Variants in NEK10 observed in about 807,000 individuals in gnomAD.
NEK10 encodes NIMA related kinase 10, also known as serine/threonine-protein kinase Nek10.
NEK10 carries 122 observed loss-of-function variants against 159.8 expected under a neutral mutation model. The observed-to-expected ratio is 0.76, with a 90% CI of 0.66 to 0.89. The LOEUF (loss-of-function observed/expected upper bound fraction) is 0.89. Among genes scored for constraint, NEK10 ranks in the 40% least tolerant of loss-of-function variants. The probability of loss-of-function intolerance (pLI) is 0.00; values close to 1 mark genes in which losing one functional copy is unlikely to be tolerated. For synonymous variants in NEK10, 466 were observed against 457.1 expected, an observed-to-expected ratio of 1.02 and a Z score of -0.25; for missense variants, 1,342 against 1,323.1, an observed-to-expected ratio of 1.01 and a Z score of -0.22.
In NEK10 at chr3:27,107,943, T is replaced by A. The variant is rs1331539924; in HGVS notation, c.*3329A>T. The stretch of plus-strand genomic sequence containing the variant: ...TACATACATGCTATAATACATCAAA[T>A]CAAAAAGAGGAATGTGGGTTCTATG... On this transcript the variant is annotated 3_prime_UTR_variant, in exon 36 of 36. Transcript: ENST00000691995. Among the ~76,000 whole-genome samples, 1 of 152,036 alleles carries A rather than the reference T, an allele frequency of 6.6e-6. No individual in the cohort carries two copies. Among genetic ancestry groups the A allele is most frequent in the Admixed American group, 6.5e-5 (1 of 15,282 alleles).
chr3:27,192,109 G>A lies in NEK10; in HGVS notation c.2425C>T (p.Arg809Ter), dbSNP rs1163448640. The change falls in exon 26 of 36, where the codon CGA (arginine) becomes TGA (stop). Residue 809 changes from arginine (R) to a stop codon, truncating the protein, a stop_gained. Transcript: ENST00000691995. LOFTEE classifies it high-confidence loss of function. ...LSLEKKLERE[R>*]RRTQRYFMEA... The stretch of plus-strand genomic sequence containing the variant: ...ATAAAATACCTTTGTGTGCGTCTTC[G>A]TTCCCGTTCTAGCTTCTTTTCCAAG... 4.3e-6 allele frequency: 7 copies of A among 1,614,000 alleles called. No homozygotes were observed. Among genetic ancestry groups the A allele is most frequent in the South Asian group, 2.2e-5 (2 of 91,088 alleles).
intron 31 of NEK10, 25 bp from the exon 32 acceptor site, chr3:27,132,015 T>C (rs777297427): frequency 1.1e-5 from 15 of 1,377,810 alleles, no homozygotes; most frequent in Non-Finnish European, 1.2e-5. Flanking sequence ...AAAACAATCA[T>C]TATAAACAAA....
At chr3:27,337,577 G>A (rs1353015497) in intron 5 of NEK10, among the ~76,000 whole-genome samples, 1 of 152,106 alleles carries the variant, frequency 6.6e-6, no homozygotes, top group African/African-American at 2.4e-5. Flanking sequence ...AACCAAAACA[G>A]CATGGTAATG....
intron 23 of NEK10, among the ~76,000 whole-genome samples, chr3:27,231,952 T>G (rs1409037182): frequency 6.6e-6 from 1 of 151,896 alleles, no homozygotes; most frequent in East Asian, 1.9e-4. Context: ...ATCCCAAAGA[T>G]AGAGAGAGAG....
At position 27,364,485 on chromosome 3, in the gene NEK10, C is replaced by T. The variant is rs561256215; in HGVS notation, c.-38+4740G>A. The stretch of plus-strand genomic sequence containing the variant: ...TCAGCTGATCCACCCGCCTTGGCCT[C>T]CCGAAGTGCTGGGATTACAGGCGTG... On this transcript the variant is annotated intron_variant, in intron 1 of 35. Coordinates refer to ENST00000691995, the MANE Select transcript of NEK10 (RefSeq NM_001394966.1). 4.6e-5 allele frequency among the ~76,000 whole-genome samples: 7 copies of T among 152,090 alleles called. No homozygotes were observed. In the East Asian group the frequency reaches 5.8e-4, roughly 13 times the overall value.
intron 23 of NEK10, chr3:27,255,453 C>T (rs1185309495): frequency 5.0e-6 from 1 of 198,876 alleles, no homozygotes; most frequent in Non-Finnish European, 1.1e-5. Context: ...CAAGAAGAGT[C>T]GTGTTTAATT....
intron 29 of NEK10, 96 bp from the exon 30 acceptor site, chr3:27,162,834 T>C: frequency 6.6e-7 from 1 of 1,508,602 alleles, no homozygotes; most frequent in South Asian, 1.2e-5. Context: ...TTATAAAGAT[T>C]AATAGAGATT....
chr3:27,233,065 C>A (rs1310799469), intron 23 of NEK10, among the ~76,000 whole-genome samples: 1 of 152,088 alleles, frequency 6.6e-6, no homozygotes, highest in Non-Finnish European at 1.5e-5. Flanking sequence ...AAACCTTCTG[C>A]ACAGCAATAT....
intron 31 of NEK10, among the ~76,000 whole-genome samples, chr3:27,139,821 C>T (rs939932709): frequency 6.6e-6 from 1 of 152,164 alleles, no homozygotes; most frequent in Admixed American, 6.5e-5. Flanking sequence ...CTTGCACACC[C>T]ACTCCCTAAC....
At chr3:27,133,830 G>T (rs1010679996) in intron 31 of NEK10, among the ~76,000 whole-genome samples, 3 of 152,110 alleles carry the variant, frequency 2.0e-5, no homozygotes, top group Non-Finnish European at 4.4e-5. Flanking sequence ...ACGTTAATTA[G>T]CGAAGAAATA....
intron 30 of NEK10, among the ~76,000 whole-genome samples, chr3:27,150,142 T>C (rs571827146): frequency 3.3e-4 from 50 of 152,226 alleles, no homozygotes; most frequent in Admixed American, 1.7e-3. Context: ...TTCGTGCAGT[T>C]TAAGGAGAGA....
At chr3:27,275,730 TACTA>T (rs2041719876) in intron 22 of NEK10, among the ~76,000 whole-genome samples, 4 of 152,158 alleles carry the variant, frequency 2.6e-5, no homozygotes, top group Admixed American at 2.0e-4. Flanking sequence ...AGAAATGCAA[TACTA>T]ACTCTTTTTT....
Position 27,314,327 on chromosome 3 carries a change from A to G in NEK10, c.459T>C (p.His153=). 1.2e-6 allele frequency: 2 copies of G among 1,600,120 alleles called. No homozygotes were observed. Among genetic ancestry groups the G allele is most frequent in the South Asian group, 1.1e-5 (1 of 88,628 alleles). The change falls in exon 7 of 36, where the codon CAT becomes CAC. Residue 153 remains histidine (H), a synonymous_variant. Transcript: ENST00000691995. ...MRDPCYQEIL[H]SLGGIENLAQ... ...CTAGGTTTTCAATCCCACCCAAGCT[A>G]TGGAGTATTTCCTAATAAAATAAAA...
At chr3:27,219,039 G>A (rs368672243) in intron 23 of NEK10, among the ~76,000 whole-genome samples, 17 of 152,200 alleles carry the variant, frequency 1.1e-4, no homozygotes, top group African/African-American at 3.4e-4. Flanking sequence ...TTCTTAGTGC[G>A]TATGCCTTAG....
intron 23 of NEK10, among the ~76,000 whole-genome samples, chr3:27,204,301 G>GTTTTTTTTTTTTTTT (rs567092116): frequency 1.5e-4 from 10 of 66,370 alleles, no homozygotes; most frequent in East Asian, 4.4e-4. Flanking sequence ...TTTTGTTGTT[G>GTTTTTTTTTTTTTTT]TTTTTTTTTT....
chr3:27,264,774 A>G (rs777833458), intron 22 of NEK10, among the ~76,000 whole-genome samples: 1 of 152,008 alleles, frequency 6.6e-6, no homozygotes, highest in Non-Finnish European at 1.5e-5. Context: ...GGTGCCTGTA[A>G]TCCCAGTTAC....
At chr3:27,166,811 T>C (rs1338513641) in intron 29 of NEK10, among the ~76,000 whole-genome samples, 1 of 151,954 alleles carries the variant, frequency 6.6e-6, no homozygotes, top group East Asian at 1.9e-4. Flanking sequence ...AATACAAAAA[T>C]TAGCTGGGTG....
chr3:27,117,681 T>C (rs1191042373), intron 33 of NEK10, among the ~76,000 whole-genome samples: 1 of 152,204 alleles, frequency 6.6e-6, no homozygotes, highest in Non-Finnish European at 1.5e-5. Flanking sequence ...GGTTGCTTTT[T>C]TCTTGTAAAT....
chr3:27,116,006 A>T lies in NEK10; in HGVS notation c.3244-11T>A, dbSNP rs202002168. ...TTCTTCAATCACAGTCTAAAATTTT[A>T]AAAATCAGGTTAGTATTGAATTAGA... On this transcript the variant is annotated splice_polypyrimidine_tract_variant and intron_variant, in intron 34 of 35. Coordinates refer to ENST00000691995, the MANE Select transcript of NEK10 (RefSeq NM_001394966.1). 966 of 1,612,970 alleles carry T rather than the reference A, an allele frequency of 6.0e-4. 8 individuals carry two copies. The highest frequency in any genetic ancestry group is 3.1e-3 in the Middle Eastern group (19 of 6,042).
Sources: gnomAD v4.1 joint callset for allele counts (sites outside exome capture counted in the v4.1 genomes callset) on GRCh38, gnomAD v4.1.1 for gene constraint, MANE v1.5 for transcripts, NCBI Gene and HGNC (gene_info 2026-07-23, HGNC 2026-07-21) for gene names.